The following WWOX variants were observed in gnomAD, a reference collection of about 807,000 sequenced individuals.
WWOX encodes WW domain-containing oxidoreductase.
A neutral mutation model predicts 46.2 loss-of-function variants in WWOX; 69 were observed. The ratio of observed to expected loss-of-function variants is 1.49; its 90% CI spans 1.23 to 1.82. The LOEUF (loss-of-function observed/expected upper bound fraction) is 1.82. Among genes scored for constraint, WWOX ranks in the 40% most tolerant of loss-of-function variants. WWOX has a pLI of 0.00. For missense variants in WWOX, 919 were observed against 542.6 expected (o/e 1.69, Z -6.89); for synonymous variants, 359 against 202.6 (o/e 1.77, Z -6.56).
chr16:78,152,212 T>C lies in WWOX; in HGVS notation c.410-11971T>C, dbSNP rs1249954230. Among the ~76,000 whole-genome samples the C allele has an allele frequency of 2.0e-5, 3 of 151,298 alleles. No homozygotes were observed. The East Asian group carries it at 5.9e-4, about 30-fold the overall frequency. On this transcript the variant is annotated intron_variant, in intron 4 of 8. Transcript: ENST00000566780. ...CTCAAGAGAAAAAAAAAAAAAATTA[T>C]AACATGGAAATGTTTCCTTGCATCT...
intron 5 of WWOX, chr16:78,266,003 G>C (rs1287280182): frequency 1.3e-5 from 2 of 152,170 alleles, no homozygotes; most frequent in African/African-American, 4.8e-5. Context: ...CAGGGTTGCA[G>C]AGCTCTTTCA....
intron 8 of WWOX, chr16:79,196,449 C>T (rs1236502630): frequency 6.7e-6 from 1 of 149,054 alleles, no homozygotes; most frequent in Non-Finnish European, 1.5e-5. Flanking sequence ...CTGGAAGCTC[C>T]TGGAGGCCCC....
chr16:78,889,478 G>A (rs751846410), intron 8 of WWOX, among the ~76,000 whole-genome samples: 1 of 151,872 alleles, frequency 6.6e-6, no homozygotes, highest in East Asian at 1.9e-4. Flanking sequence ...TGCCCTTGGC[G>A]GTTGATGCTA....
intron 8 of WWOX, among the ~76,000 whole-genome samples, chr16:79,026,834 T>A (rs1046531626): frequency 6.7e-5 from 10 of 149,310 alleles, no homozygotes; most frequent in African/African-American, 2.2e-4. Context: ...TTTCACCATG[T>A]TAGCCAGGAT....
chr16:79,018,687 C>T (rs925612122), intron 8 of WWOX, among the ~76,000 whole-genome samples: 1 of 152,304 alleles, frequency 6.6e-6, no homozygotes, highest in East Asian at 1.9e-4. Context: ...GGGCCGCCTC[C>T]TCCACATGAA....
chr16:78,590,482 C>T (rs2045326145), intron 8 of WWOX, among the ~76,000 whole-genome samples: 1 of 152,146 alleles, frequency 6.6e-6, no homozygotes, highest in African/African-American at 2.4e-5. Flanking sequence ...ATAGGATTTT[C>T]CCAGTTGGGG....
intron 6 of WWOX, among the ~76,000 whole-genome samples, chr16:78,398,943 G>C (rs1217246655): frequency 6.6e-6 from 1 of 152,214 alleles, no homozygotes; most frequent in Non-Finnish European, 1.5e-5. Flanking sequence ...ACAAGGAAGG[G>C]GATGGGTGGC....
At chr16:78,132,009 T>TTTTTTCTTTTTC (rs1220450106) in intron 4 of WWOX, among the ~76,000 whole-genome samples, 1 of 151,266 alleles carries the variant, frequency 6.6e-6, no homozygotes, top group African/African-American at 2.4e-5. Flanking sequence ...CTGATTTTTC[T>TTTTTTCTTTTTC]TTTTTCTTTT....
At chr16:78,738,581 C>G (rs984353469) in intron 8 of WWOX, among the ~76,000 whole-genome samples, 48 of 152,192 alleles carry the variant, frequency 3.2e-4, no homozygotes, top group Non-Finnish European at 5.4e-4. Flanking sequence ...TTGTTCAAAA[C>G]AACTGCTGGA....
chr16:78,278,686 AT>A, intron 5 of WWOX: 1 of 1,586,904 alleles, frequency 6.3e-7, no homozygotes, highest in East Asian at 2.2e-5. Flanking sequence ...AAGATCTTGA[AT>A]AGTCTCATCA....
At chr16:79,006,585 A>T (rs774545488) in intron 8 of WWOX, among the ~76,000 whole-genome samples, 7 of 152,064 alleles carry the variant, frequency 4.6e-5, no homozygotes, top group African/African-American at 7.2e-5. Context: ...GCTGTAACCA[A>T]TGATTACAAA....
At chr16:78,797,029 T>G (rs910734580) in intron 8 of WWOX, among the ~76,000 whole-genome samples, 2 of 152,090 alleles carry the variant, frequency 1.3e-5, no homozygotes, top group Non-Finnish European at 2.9e-5. Context: ...TTTCACCATG[T>G]TGGCCAGTCT....
intron 8 of WWOX, among the ~76,000 whole-genome samples, chr16:78,541,348 C>T (rs905047314): frequency 1.3e-5 from 2 of 150,218 alleles, no homozygotes; most frequent in East Asian, 3.9e-4. Context: ...GTGGCGGGCA[C>T]CTGTAGTCCC....
At chr16:78,942,437 A>G (rs2045870490) in intron 8 of WWOX, among the ~76,000 whole-genome samples, 1 of 152,212 alleles carries the variant, frequency 6.6e-6, no homozygotes, top group African/African-American at 2.4e-5. Flanking sequence ...AATGTATGAC[A>G]GCAGTTTGAA....
chr16:79,074,476 AC>A (rs1212359639), intron 8 of WWOX, among the ~76,000 whole-genome samples: 2 of 108,136 alleles, frequency 1.8e-5, no homozygotes, highest in African/African-American at 3.6e-5. Flanking sequence ...AGGCTGGCTG[AC>A]CCATCAATGG....
chr16:78,270,294 C>T (rs1427721460), intron 5 of WWOX: 1 of 152,144 alleles, frequency 6.6e-6, no homozygotes, highest in Non-Finnish European at 1.5e-5. Context: ...GCCATCTTTC[C>T]AAGGAACGTT....
chr16:78,930,741 A>T (rs1399726811), intron 8 of WWOX, among the ~76,000 whole-genome samples: 1 of 152,116 alleles, frequency 6.6e-6, no homozygotes, highest in African/African-American at 2.4e-5. Context: ...TGAGCAGAAG[A>T]ACTCACTGAA....
At chr16:79,043,636 G>T (rs1228364005) in intron 8 of WWOX, among the ~76,000 whole-genome samples, 2 of 152,150 alleles carry the variant, frequency 1.3e-5, no homozygotes, top group African/African-American at 4.8e-5. Flanking sequence ...ATTTTATTAA[G>T]TAAGTAATTT....
At chr16:78,498,504 A>G (rs2084975676) in intron 8 of WWOX, among the ~76,000 whole-genome samples, 1 of 152,150 alleles carries the variant, frequency 6.6e-6, no homozygotes, top group South Asian at 2.1e-4. Context: ...ACAAGGTGTG[A>G]GGCTATTGAT....
Sources: gnomAD v4.1 joint callset for allele counts (sites outside exome capture counted in the v4.1 genomes callset) on GRCh38, gnomAD v4.1.1 for gene constraint, MANE v1.5 for transcripts, NCBI Gene and HGNC (gene_info 2026-07-23, HGNC 2026-07-21) for gene names.